The following AP3D1 variants were observed in gnomAD, a reference collection of about 807,000 sequenced individuals.
AP3D1 encodes the protein adaptor related protein complex 3 subunit delta 1.
A neutral mutation model predicts 147.6 loss-of-function variants in AP3D1; 51 were observed. The observed-to-expected ratio is 0.35, with a 90% confidence interval of 0.28 to 0.44. The LOEUF (loss-of-function observed/expected upper bound fraction) is 0.44, where lower values mean the gene tolerates loss of function less well. AP3D1 is among the 20% of genes least tolerant of loss of function. The pLI is 1.00. For synonymous variants in AP3D1, 760 were observed against 663.0 expected, an observed-to-expected ratio of 1.15 and a Z score of -2.25; for missense variants, 1,421 against 1,624.2, an observed-to-expected ratio of 0.87 and a Z score of 2.15.
chr19:2,162,450 T>G (rs1391863404), intron 1 of AP3D1, among the ~76,000 whole-genome samples: 2 of 149,598 alleles, frequency 1.3e-5, no homozygotes, highest in Non-Finnish European at 3.0e-5. Flanking sequence ...AGTTTGAGAT[T>G]AGGAGTTAGA....
chr19:2,110,281 G>A lies in AP3D1; in HGVS notation c.3176-57C>T, dbSNP rs544635869. 69 of 1,462,144 alleles carry A rather than the reference G, an allele frequency of 4.7e-5. No individual in the cohort carries two copies. The African/African-American group carries it at 8.3e-4, about 18-fold the overall frequency. The allele number at this position is 1,462,144 out of a possible 1,614,324, so 90.6% of individuals were successfully genotyped here. A position where few individuals can be genotyped will look rare whatever the true frequency, so the allele number is the denominator to read the frequency against. On this transcript the variant is annotated intron_variant, in intron 27 of 31. Transcript: ENST00000643116. ...ACGCTGCGGGGGCTCAGCATGGGTGGGGCCTCCAGGTCTGTCCTCAGTCCC... is the reference window on the plus strand; with the variant it reads ...ACGCTGCGGGGGCTCAGCATGGGTGAGGCCTCCAGGTCTGTCCTCAGTCCC...
At chr19:2,139,059 CAAAAAAAA>C (rs60728832) in intron 1 of AP3D1, among the ~76,000 whole-genome samples, 6 of 61,656 alleles carry the variant, frequency 9.7e-5, no homozygotes, top group East Asian at 4.5e-4. Flanking sequence ...GACTCCGTCT[CAAAAAAAA>C]AAAAAAAAAA....
chr19:2,116,713 G>C lies in AP3D1; in HGVS notation c.1893C>G (p.Leu631=), dbSNP rs767130227. The C allele has an allele frequency of 2.1e-5, 34 of 1,611,942 alleles. No homozygotes were observed. The African/African-American group carries it at 3.6e-4, about 17-fold the overall frequency. ...TCTCGTCCTCTGACTCGCTGTCCGA[G>C]AGTGGCTCATTGATCCAGGCGTCCA... ...LDLDAWINEP[L]SDSESEDERP... Residue 631 remains leucine (L), a synonymous_variant, in exon 17 of 32, where the codon CTC becomes CTG. Transcript: ENST00000643116.
In AP3D1 at chr19:2,121,719, A is replaced by G; in HGVS notation, c.1101+15T>C. ...CTAAGGCCAGGCGGGCGGGCGGCGG[A>G]CAGAGGGCACGCACCATCCCATAGA... is the stretch of plus-strand genomic sequence containing the variant. On this transcript the variant is annotated intron_variant, in intron 12 of 31. Coordinates refer to ENST00000643116, the MANE Select transcript of AP3D1 (RefSeq NM_001261826.3). 1 of 1,562,998 alleles carries G rather than the reference A, an allele frequency of 6.4e-7. No homozygotes were observed. Among genetic ancestry groups the G allele is most frequent in the Non-Finnish European group, 8.6e-7 (1 of 1,157,142 alleles).
In AP3D1 at chr19:2,138,798, A is replaced by T. The variant is rs1029834782; in HGVS notation, c.97-84T>A. The T allele has an allele frequency of 5.8e-5, 57 of 986,056 alleles. No individual in the cohort carries two copies. The African/African-American group carries it at 8.6e-4, about 15-fold the overall frequency. The allele number at this position is 986,056 out of a possible 1,614,324, so 61.1% of individuals were successfully genotyped here. On this transcript the variant is annotated intron_variant, in intron 1 of 31. Transcript: ENST00000643116. ...GATTTCGGGCCAGGCACAGTGGCTCACGCCTGTAATCCCAGCACTTTGGGA... is the reference window on the plus strand; with the variant it reads ...GATTTCGGGCCAGGCACAGTGGCTCTCGCCTGTAATCCCAGCACTTTGGGA...
intron 15 of AP3D1, among the ~76,000 whole-genome samples, chr19:2,118,261 C>T (rs998986561): frequency 1.1e-4 from 17 of 152,212 alleles, no homozygotes; most frequent in African/African-American, 3.6e-4. Flanking sequence ...CTAGAACCCA[C>T]GTCACCTGCA....
chr19:2,159,723 C>T (rs112190604), intron 1 of AP3D1, among the ~76,000 whole-genome samples: 9 of 146,742 alleles, frequency 6.1e-5, no homozygotes, highest in African/African-American at 1.3e-4. Flanking sequence ...TTTTTTGAGA[C>T]GGAGTCTTGT....
At chr19:2,153,387 G>C (rs553197055), upstream of AP3D1, among the ~76,000 whole-genome samples, 13 of 138,196 alleles carry the variant, frequency 9.4e-5, no homozygotes, top group East Asian at 2.0e-3. Context: ...AAAGAAGTGG[G>C]GGGGGGGACC....
At chr19:2,133,934 C>T (rs2019013457) in intron 4 of AP3D1, among the ~76,000 whole-genome samples, 1 of 151,732 alleles carries the variant, frequency 6.6e-6, no homozygotes, top group Admixed American at 6.6e-5. Context: ...ATGGTGAAAC[C>T]CTGTCTCTCC....
At chr19:2,116,084 G>T (rs1213936957) in intron 18 of AP3D1, 123 bp downstream of exon 18, 7 of 943,154 alleles carry the variant, frequency 7.4e-6, no homozygotes, top group Non-Finnish European at 1.1e-5. Context: ...CACAGTCACC[G>T]TGTGGCCCCA....
chr19:2,145,720 C>A (rs2019338849), intron 1 of AP3D1, among the ~76,000 whole-genome samples: 1 of 152,096 alleles, frequency 6.6e-6, no homozygotes, highest in Non-Finnish European at 1.5e-5. Flanking sequence ...CACCCACATG[C>A]CCCTCCAGGA....
chr19:2,142,798 T>G (rs2019256647), intron 1 of AP3D1, among the ~76,000 whole-genome samples: 1 of 151,874 alleles, frequency 6.6e-6, no homozygotes, highest in South Asian at 2.1e-4. Flanking sequence ...GTTTCACTCT[T>G]GTTGCCCAGG....
At chr19:2,154,995 C>T (rs2019633324), upstream of AP3D1, among the ~76,000 whole-genome samples, 1 of 152,030 alleles carries the variant, frequency 6.6e-6, no homozygotes, top group African/African-American at 2.4e-5. Context: ...TCCTGGCGAA[C>T]ATGGTGAAAC....
At chr19:2,110,535 G>A (rs184689502) in intron 27 of AP3D1, among the ~76,000 whole-genome samples, 172 bp downstream of exon 27, 78 of 152,102 alleles carry the variant, frequency 5.1e-4, no homozygotes, top group Non-Finnish European at 9.9e-4. Context: ...AGGCCATTGC[G>A]CTTCTCAGAG....
At chr19:2,111,616 G>T in intron 25 of AP3D1, 63 bp downstream of exon 25, 1 of 1,512,214 alleles carries the variant, frequency 6.6e-7, no homozygotes, top group Admixed American at 2.0e-5. Flanking sequence ...TGCAGGAGTG[G>T]GGAGCAGCGC....
At chr19:2,120,736 C>A (rs1392487957) in intron 14 of AP3D1, 126 bp downstream of exon 14, 2 of 916,904 alleles carry the variant, frequency 2.2e-6, no homozygotes, top group Non-Finnish European at 3.3e-6. Flanking sequence ...AACCCACGGA[C>A]CTGCAAGACG....
intron 9 of AP3D1, among the ~76,000 whole-genome samples, chr19:2,126,428 G>A (rs2018756321): frequency 6.6e-6 from 1 of 152,164 alleles, no homozygotes; most frequent in African/African-American, 2.4e-5. Context: ...GGCCGAGGCA[G>A]GCGGATCAAG....
chr19:2,157,111 C>T (rs2019651635), intron 1 of AP3D1, among the ~76,000 whole-genome samples: 2 of 151,858 alleles, frequency 1.3e-5, no homozygotes, highest in South Asian at 4.1e-4. Context: ...TCCATCCATC[C>T]ATCCATCCAC....
chr19:2,104,449 C>T (rs2018052109), intron 31 of AP3D1, among the ~76,000 whole-genome samples: 1 of 151,434 alleles, frequency 6.6e-6, no homozygotes, highest in African/African-American at 2.4e-5. Flanking sequence ...GATGCCAACA[C>T]CCAGACCCCA....
Sources: allele counts gnomAD v4.1 joint callset (sites outside exome capture counted in the v4.1 genomes callset), GRCh38; gene constraint gnomAD v4.1.1; transcripts MANE v1.5; gene names NCBI Gene and HGNC (gene_info 2026-07-23, HGNC 2026-07-21).